DOCK2: variants seen among roughly 807,000 people sequenced by gnomAD.
DOCK2 encodes the protein dedicator of cytokinesis 2.
A neutral mutation model predicts 248.9 loss-of-function variants in DOCK2; 87 were observed. That is an observed-to-expected ratio of 0.35 (90% CI 0.29 to 0.42). The LOEUF is 0.42. Among genes scored for constraint, DOCK2 ranks in the 10% least tolerant of loss-of-function variants. The pLI is 1.00. For synonymous variants in DOCK2, 805 were observed against 821.6 expected (o/e 0.98, Z 0.35); for missense variants, 1,747 against 2,300.2 (o/e 0.76, Z 4.92).
intron 5 of DOCK2, among the ~76,000 whole-genome samples, chr5:169,672,567 A>G (rs184177504): frequency 7.3e-4 from 111 of 152,320 alleles, no homozygotes; most frequent in South Asian, 1.7e-3. Context: ...GCATCATTCC[A>G]GCAGTTCTTG....
intron 33 of DOCK2, among the ~76,000 whole-genome samples, chr5:170,027,530 T>G (rs1363891360): frequency 6.6e-6 from 1 of 152,188 alleles, no homozygotes; most frequent in East Asian, 1.9e-4. Flanking sequence ...TCTGCGAAAT[T>G]TCTATTTAAC....
rs901258905 is a variant in DOCK2, at chr5:169,952,697, C to G, written c.2800-30371C>G. Among the ~76,000 whole-genome samples, 14 of 152,144 alleles carry G rather than the reference C, an allele frequency of 9.2e-5. No individual in the cohort carries two copies. The East Asian group carries it at 2.5e-3, about 27-fold the overall frequency. On this transcript the variant is annotated intron_variant, in intron 27 of 51. Transcript: ENST00000520908. ...TTCCTAATCCCGTGGATATCATGCT[C>G]CAGCCAGCCTTGCCCCTGGAATGGA...
intron 30 of DOCK2, among the ~76,000 whole-genome samples, chr5:170,002,957 G>A (rs6555881): frequency 0.012 from 1,849 of 152,216 alleles, 30 homozygotes; most frequent in Middle Eastern, 0.041. Flanking sequence ...ACCCTTTGAA[G>A]AATTTCTCTG....
At chr5:169,761,746 C>T in intron 25 of DOCK2, 121 bp downstream of exon 25, 1 of 670,592 alleles carries the variant, frequency 1.5e-6, no homozygotes, top group Non-Finnish European at 2.5e-6. Context: ...TTTCTCACAA[C>T]TCCCTTGGTC....
chr5:169,854,949 G>T (rs1366893035), intron 27 of DOCK2, among the ~76,000 whole-genome samples: 1 of 152,210 alleles, frequency 6.6e-6, no homozygotes, highest in Non-Finnish European at 1.5e-5. Context: ...AGCAACGGGG[G>T]ATGACCAGAA....
At chr5:169,917,428 T>A (rs551092400) in intron 27 of DOCK2, among the ~76,000 whole-genome samples, 69 of 152,352 alleles carry the variant, frequency 4.5e-4, no homozygotes, top group African/African-American at 1.7e-3. Context: ...TTTCCTTTGG[T>A]GCAAAGTTTG....
At chr5:170,012,171 T>C (rs182107637) in intron 32 of DOCK2, among the ~76,000 whole-genome samples, 2 of 152,258 alleles carry the variant, frequency 1.3e-5, no homozygotes, top group East Asian at 3.9e-4. Flanking sequence ...TTACAAATAA[T>C]TTTTTTCAAA....
chr5:169,905,960 A>G lies in DOCK2; in HGVS notation c.2799+65108A>G, dbSNP rs59718322. ...TCTAAAATGTCTGTTGCCTTCGTTC[A>G]GAAAGCCTCTATTCTACTTTACCCA... On this transcript the variant is annotated intron_variant, in intron 27 of 51. Transcript: ENST00000520908. Among the ~76,000 whole-genome samples the G allele has an allele frequency of 5.6e-3, 850 of 152,350 alleles. 8 individuals carry two copies. Among genetic ancestry groups the G allele is most frequent in the Middle Eastern group, 0.017 (5 of 294 alleles).
chr5:169,804,353 C>T (rs748013598), intron 26 of DOCK2, among the ~76,000 whole-genome samples: 1 of 151,984 alleles, frequency 6.6e-6, no homozygotes, highest in Non-Finnish European at 1.5e-5. Context: ...ACCCGGTGTG[C>T]GCTAGGCACT....
chr5:169,759,361 A>G (rs1764355178), intron 23 of DOCK2, among the ~76,000 whole-genome samples: 2 of 152,204 alleles, frequency 1.3e-5, no homozygotes, highest in South Asian at 4.1e-4. Context: ...AACTTTGTCT[A>G]TTTCACAGAT....
chr5:169,835,044 T>A (rs1468429534), intron 26 of DOCK2, among the ~76,000 whole-genome samples: 2 of 152,124 alleles, frequency 1.3e-5, no homozygotes, highest in Non-Finnish European at 2.9e-5. Flanking sequence ...ATTGCTTTTT[T>A]TTTGGTGGGG....
intron 2 of DOCK2, among the ~76,000 whole-genome samples, chr5:169,655,036 C>T (rs1758027250): frequency 6.6e-6 from 1 of 152,240 alleles, no homozygotes; most frequent in Admixed American, 6.5e-5. Context: ...GCTGCGTCCA[C>T]CCATGGTGGT....
chr5:169,780,715 T>C (rs369414114), intron 25 of DOCK2, among the ~76,000 whole-genome samples: 12 of 152,314 alleles, frequency 7.9e-5, no homozygotes, highest in East Asian at 5.8e-4. Flanking sequence ...CATTGAAAGA[T>C]GGTAATATCG....
intron 26 of DOCK2, among the ~76,000 whole-genome samples, chr5:169,804,493 CGCGT>C (rs775400443): frequency 3.3e-4 from 17 of 50,892 alleles, no homozygotes; most frequent in African/African-American, 6.7e-4. Flanking sequence ...TGTGCGCGCG[CGCGT>C]GCGCGTAAGC....
intron 26 of DOCK2, among the ~76,000 whole-genome samples, chr5:169,833,938 A>G (rs957195379): frequency 5.9e-5 from 9 of 152,014 alleles, no homozygotes. Context: ...ACAGGCCACA[A>G]GCCCTACTCA....
At chr5:169,695,695 G>T (rs1760576343) in intron 9 of DOCK2, 108 bp from the exon 10 acceptor site, 2 of 1,449,658 alleles carry the variant, frequency 1.4e-6, no homozygotes, top group East Asian at 4.7e-5. Context: ...TCCATGTATA[G>T]CAAGTATTAT....
At chr5:169,851,948 G>T (rs1013613091) in intron 27 of DOCK2, among the ~76,000 whole-genome samples, 1 of 152,146 alleles carries the variant, frequency 6.6e-6, no homozygotes, top group African/African-American at 2.4e-5. Context: ...AGATTTGGGT[G>T]GGGACACAGC....
chr5:169,908,749 C>G (rs1052919444), intron 27 of DOCK2, among the ~76,000 whole-genome samples: 2 of 128,362 alleles, frequency 1.6e-5, no homozygotes, highest in Non-Finnish European at 3.1e-5. Context: ...GAGTCTCACT[C>G]TGTCGCCCAG....
At chr5:169,830,653 G>A (rs1261478405) in intron 26 of DOCK2, among the ~76,000 whole-genome samples, 1 of 152,182 alleles carries the variant, frequency 6.6e-6, no homozygotes, top group African/African-American at 2.4e-5. Flanking sequence ...TGGCCTGCAG[G>A]TTGGAGGTTT....
Sources: allele counts gnomAD v4.1 joint callset (sites outside exome capture counted in the v4.1 genomes callset), GRCh38; gene constraint gnomAD v4.1.1; transcripts MANE v1.5; gene names NCBI Gene and HGNC (gene_info 2026-07-23, HGNC 2026-07-21).